RAB4B: variants seen among roughly 807,000 people sequenced by gnomAD.
The protein encoded by RAB4B is RAB4B, member RAS oncogene family, also known as ras-related protein Rab-4B.
A neutral mutation model predicts 28.3 loss-of-function variants in RAB4B; 15 were observed. The ratio of observed to expected loss-of-function variants is 0.53; its 90% CI spans 0.35 to 0.82. RAB4B has a LOEUF of 0.82. RAB4B is among the 40% of genes least tolerant of loss of function. RAB4B has a pLI of 0.01. For missense variants in RAB4B, 244 were observed against 288.5 expected (o/e 0.85, Z 1.12); for synonymous variants, 108 against 116.3 (o/e 0.93, Z 0.46).
intron 7 of RAB4B, 146 bp downstream of exon 7, chr19:40,787,124 T>G: frequency 1.3e-6 from 1 of 764,906 alleles, no homozygotes; most frequent in Non-Finnish European, 2.0e-6. Context: ...GGCATCTGGC[T>G]GGGCGCAGTG....
rs1436460748 is a variant in RAB4B, at chr19:40,780,374, C to T, written c.98-11C>T. 6.3e-7 allele frequency: 1 copy of T among 1,597,550 alleles called. No homozygotes were observed. The highest frequency in any genetic ancestry group is 2.3e-5 in the East Asian group (1 of 43,914). On this transcript the variant is annotated splice_polypyrimidine_tract_variant and intron_variant, in intron 2 of 7. Coordinates refer to ENST00000357052, the MANE Select transcript of RAB4B (RefSeq NM_016154.5). ...TCCCTGTACTGCCCCTTCTGTTCCT[C>T]CTACTCCCAGTCAAACAGGACTCCA...
At position 40,794,997 on chromosome 19, in the gene RAB4B, CA is replaced by C. The variant is rs59417778; in HGVS notation, c.*16-1551del. 5.0e-3 allele frequency among the ~76,000 whole-genome samples: 496 copies of C among 99,902 alleles called. 3 individuals carry two copies. The highest frequency in any genetic ancestry group is 0.014 in the African/African-American group (318 of 22,524). The allele number at this position is 99,902 out of a possible 152,430, so 65.5% of individuals were successfully genotyped here. A position where few individuals can be genotyped will look rare whatever the true frequency, so the allele number is the denominator to read the frequency against. Reference sequence around the variant, plus strand: ...TGAAACCCCGTCTCTACTAAAAATACAAAAAAAAAAAAAAAAAAAAAATTAG... The same window carrying C: ...TGAAACCCCGTCTCTACTAAAAATACAAAAAAAAAAAAAAAAAAAAATTAG... On this transcript the variant is annotated intron_variant, in intron 7 of 7. Coordinates refer to ENST00000357052, the MANE Select transcript of RAB4B (RefSeq NM_016154.5).
At chr19:40,794,231 C>T (rs571841613) in intron 7 of RAB4B, among the ~76,000 whole-genome samples, 12 of 149,892 alleles carry the variant, frequency 8.0e-5, no homozygotes, top group Non-Finnish European at 1.3e-4. Context: ...CCCGCCACCA[C>T]GCCCAGCTAA....
At chr19:40,783,737 A>T (rs1206693110) in intron 3 of RAB4B, 41 bp from the exon 4 acceptor site, 2 of 1,512,966 alleles carry the variant, frequency 1.3e-6, no homozygotes, top group Middle Eastern at 2.5e-4. Flanking sequence ...CTCGGGGCAG[A>T]CCCCAGCCTT....
At chr19:40,778,828 T>C (rs1361406872) in intron 1 of RAB4B, among the ~76,000 whole-genome samples, 1 of 151,892 alleles carries the variant, frequency 6.6e-6, no homozygotes, top group Non-Finnish European at 1.5e-5. Flanking sequence ...TGGGCTGTCC[T>C]TGAGTTAGGG....
chr19:40,791,427 C>T (rs1173093204), intron 7 of RAB4B, among the ~76,000 whole-genome samples: 1 of 152,154 alleles, frequency 6.6e-6, no homozygotes, highest in African/African-American at 2.4e-5. Flanking sequence ...GTTTGACCCT[C>T]TGCAGGGACT....
intron 7 of RAB4B, among the ~76,000 whole-genome samples, chr19:40,793,180 C>T (rs146060429): frequency 1.0e-3 from 159 of 152,200 alleles, no homozygotes; most frequent in African/African-American, 3.7e-3. Context: ...TTTCCCCCAA[C>T]CCCTAGCAAC....
intron 7 of RAB4B, among the ~76,000 whole-genome samples, chr19:40,791,619 G>C (rs2083160520): frequency 6.6e-6 from 1 of 151,446 alleles, no homozygotes; most frequent in Admixed American, 6.6e-5. Context: ...AGCACTACTT[G>C]TTCCTCCAGG....
At position 40,786,885 on chromosome 19, in the gene RAB4B, G is replaced by T. The variant is rs775055908; in HGVS notation, c.564G>T (p.Gln188His). The change falls in exon 7 of 8, where the codon CAG becomes CAT. Residue 188 changes from glutamine to histidine, a missense_variant. Gln to His is a conservative substitution (Grantham distance 24). Transcript: ENST00000357052. ...LDPERMGSGI[Q>H]YGDASLRQLR... is the part of the protein sequence containing the mutation. ...CGGAGAGGATGGGCTCTGGCATTCA[G>T]TACGGGGATGCGTCCCTCCGCCAGC... The T allele has an allele frequency of 1.9e-6, 3 of 1,614,150 alleles. No homozygotes were observed. Among genetic ancestry groups the T allele is most frequent in the Non-Finnish European group, 2.5e-6 (3 of 1,180,006 alleles).
At chr19:40,780,678 G>C (rs965384917) in intron 3 of RAB4B, among the ~76,000 whole-genome samples, 179 bp downstream of exon 3, 11 of 151,974 alleles carry the variant, frequency 7.2e-5, no homozygotes, top group Admixed American at 1.3e-4. Flanking sequence ...GAGAGATAAA[G>C]AGATGGTGGA....
intron 3 of RAB4B, among the ~76,000 whole-genome samples, chr19:40,781,850 TC>T (rs2083051635): frequency 6.6e-6 from 1 of 151,664 alleles, no homozygotes; most frequent in South Asian, 2.1e-4. Context: ...TGAAACCCCG[TC>T]TCTACTAAAA....
chr19:40,785,109 G>C lies in RAB4B; in HGVS notation c.430+1034G>C, dbSNP rs531303531. 3.7e-4 allele frequency among the ~76,000 whole-genome samples: 56 copies of C among 152,018 alleles called. 1 individual carries two copies. The highest frequency in any genetic ancestry group is 1.3e-3 in the African/African-American group (54 of 41,450). ...ATTACAGGCGTGAGACACTGCGCCCGGTGAAAGGCACATTTTTGAATACAG... is the reference window on the plus strand; with the variant it reads ...ATTACAGGCGTGAGACACTGCGCCCCGTGAAAGGCACATTTTTGAATACAG... On this transcript the variant is annotated intron_variant, in intron 5 of 7. Coordinates refer to ENST00000357052, the MANE Select transcript of RAB4B (RefSeq NM_016154.5).
At chr19:40,782,884 A>G (rs1295877281) in intron 3 of RAB4B, among the ~76,000 whole-genome samples, 1 of 151,956 alleles carries the variant, frequency 6.6e-6, no homozygotes, top group Non-Finnish European at 1.5e-5. Context: ...CACGCCTGTA[A>G]TCCCAACACT....
chr19:40,788,481 TAA>T (rs751428239), intron 7 of RAB4B, among the ~76,000 whole-genome samples: 17 of 67,110 alleles, frequency 2.5e-4, no homozygotes, highest in Middle Eastern at 7.8e-3. Flanking sequence ...GCGAGACTCT[TAA>T]AAAAAAAAAA....
At chr19:40,789,934 G>A (rs914075396) in intron 7 of RAB4B, among the ~76,000 whole-genome samples, 6 of 152,250 alleles carry the variant, frequency 3.9e-5, no homozygotes, top group Admixed American at 3.3e-4. Flanking sequence ...CGCTTCTAGC[G>A]AGGGGTATGC....
intron 7 of RAB4B, among the ~76,000 whole-genome samples, chr19:40,792,756 G>A (rs1231985961): frequency 6.6e-6 from 1 of 152,162 alleles, no homozygotes; most frequent in East Asian, 1.9e-4. Flanking sequence ...CCACTTCTGT[G>A]TTGTTCCAGA....
At chr19:40,791,662 G>C (rs1247889823) in intron 7 of RAB4B, among the ~76,000 whole-genome samples, 1 of 151,650 alleles carries the variant, frequency 6.6e-6, no homozygotes, top group Non-Finnish European at 1.5e-5. Context: ...TTTTGAGATA[G>C]AGTCTCTGTC....
intron 3 of RAB4B, among the ~76,000 whole-genome samples, chr19:40,783,190 CAT>C: frequency 7.4e-6 from 1 of 135,934 alleles, no homozygotes; most frequent in East Asian, 2.2e-4. Flanking sequence ...GAAAAAGACA[CAT>C]AGGTTAAGGC....
chr19:40,794,569 G>C (rs1417216130), intron 7 of RAB4B: 3 of 151,768 alleles, frequency 2.0e-5, no homozygotes, highest in Non-Finnish European at 4.4e-5. Flanking sequence ...GATGCACTCT[G>C]GTATTTGCCG....
Sources: gnomAD v4.1 joint callset for allele counts (sites outside exome capture counted in the v4.1 genomes callset) on GRCh38, gnomAD v4.1.1 for gene constraint, MANE v1.5 for transcripts, NCBI Gene and HGNC (gene_info 2026-07-23, HGNC 2026-07-21) for gene names.